NAAA: variants seen among roughly 807,000 people sequenced by gnomAD.
NAAA encodes the protein N-acylethanolamine-hydrolyzing acid amidase.
A neutral mutation model predicts 44.8 loss-of-function variants in NAAA; 39 were observed. The observed-to-expected ratio is 0.87, with a 90% CI of 0.67 to 1.14. The LOEUF (loss-of-function observed/expected upper bound fraction) is 1.14. Among genes scored for constraint, NAAA ranks in the 50% most tolerant of loss-of-function variants. The pLI, the probability that NAAA is intolerant of heterozygous loss-of-function variation, is 0.00. For missense variants in NAAA, 460 were observed against 467.8 expected (o/e 0.98, Z 0.15); for synonymous variants, 178 against 191.3 (o/e 0.93, Z 0.58).
intron 9 of NAAA, among the ~76,000 whole-genome samples, chr4:75,917,313 A>C (rs115973276): frequency 1.4e-3 from 214 of 152,264 alleles, no homozygotes; most frequent in Non-Finnish European, 2.4e-3. Context: ...GGGAGTATTC[A>C]CACCATGGAA....
downstream of NAAA, among the ~76,000 whole-genome samples, chr4:75,910,967 T>A (rs1363338192): frequency 6.6e-6 from 1 of 152,148 alleles, no homozygotes; most frequent in Non-Finnish European, 1.5e-5. Flanking sequence ...ACGGTGGAGT[T>A]CGGAGCAATT....
chr4:75,918,862 G>A, intron 8 of NAAA, 73 bp from the exon 9 acceptor site: 1 of 1,423,102 alleles, frequency 7.0e-7, no homozygotes, highest in Non-Finnish European at 9.9e-7. Context: ...TCTATGGAGG[G>A]CCGGGTGCAG....
At chr4:75,916,989 A>G (rs1725684971) in intron 9 of NAAA, 2 of 327,384 alleles carry the variant, frequency 6.1e-6, no homozygotes, top group Non-Finnish European at 4.4e-6. Flanking sequence ...CATGTTGGCC[A>G]GGCTGGTCTC....
intron 4 of NAAA, among the ~76,000 whole-genome samples, chr4:75,928,186 T>C (rs1035136884): frequency 5.3e-5 from 8 of 152,336 alleles, no homozygotes; most frequent in African/African-American, 1.9e-4. Context: ...CTTCTATGAG[T>C]TCAAACTTGG....
At chr4:75,912,839 G>A (rs181703038), downstream of NAAA, among the ~76,000 whole-genome samples, 22 of 151,998 alleles carry the variant, frequency 1.4e-4, no homozygotes, top group Admixed American at 1.0e-3. Flanking sequence ...TGATACAGCT[G>A]GCATGAGTAA....
At chr4:75,926,808 C>T (rs924001624) in intron 4 of NAAA, among the ~76,000 whole-genome samples, 5 of 151,950 alleles carry the variant, frequency 3.3e-5, no homozygotes, top group African/African-American at 9.7e-5. Context: ...AGTTTTAGAT[C>T]AGCCTGGGGA....
chr4:75,940,757 C>A lies in NAAA; in HGVS notation c.193G>T (p.Ala65Ser), dbSNP rs1207373554. The change falls in exon 1 of 11, where the codon GCG becomes TCG. Residue 65 changes from alanine to serine, a missense_variant. By Grantham distance (99) the Ala-to-Ser change is moderately conservative. Transcript: ENST00000286733. ...YDLDLVRAAM[A>S]QVIGDRVPKW... ...GCCCCAGCTCACCCGATGACTTGCG[C>A]CATCGCGGCGCGCACCAAGTCCAAG... The A allele has an allele frequency of 8.1e-6, 13 of 1,596,910 alleles. No homozygotes were observed. Among genetic ancestry groups the A allele is most frequent in the Non-Finnish European group, 1.1e-5 (13 of 1,178,264 alleles).
intron 5 of NAAA, among the ~76,000 whole-genome samples, chr4:75,922,263 G>A (rs1390156755): frequency 6.6e-6 from 1 of 151,784 alleles, no homozygotes; most frequent in Non-Finnish European, 1.5e-5. Flanking sequence ...CTTATACTTA[G>A]CTATGCAGGG....
chr4:75,918,173 G>A (rs1461718534), intron 9 of NAAA, among the ~76,000 whole-genome samples: 1 of 152,120 alleles, frequency 6.6e-6, no homozygotes, highest in Non-Finnish European at 1.5e-5. Context: ...CCCAGAGCTG[G>A]CCGGGCGCAG....
intron 1 of NAAA, 153 bp from the exon 2 acceptor site, chr4:75,940,318 A>G: frequency 1.6e-6 from 1 of 638,836 alleles, no homozygotes; most frequent in Non-Finnish European, 2.4e-6. Flanking sequence ...GCGTCACTCA[A>G]TCTGCAGCCT....
chr4:75,933,217 A>G (rs955849541), intron 3 of NAAA, among the ~76,000 whole-genome samples: 3 of 152,102 alleles, frequency 2.0e-5, no homozygotes, highest in African/African-American at 7.2e-5. Flanking sequence ...GTTTTAAGAA[A>G]TAGATAGTCC....
intron 2 of NAAA, chr4:75,939,734 G>T: frequency 2.3e-6 from 1 of 435,962 alleles, no homozygotes; most frequent in East Asian, 4.2e-5. Context: ...AATTTTAAAA[G>T]TACGCTACCT....
chr4:75,938,874 A>G (rs1727962592), intron 2 of NAAA, among the ~76,000 whole-genome samples: 1 of 152,064 alleles, frequency 6.6e-6, no homozygotes, highest in African/African-American at 2.4e-5. Flanking sequence ...TTGATATGGA[A>G]TCTCGCTTTG....
intron 2 of NAAA, among the ~76,000 whole-genome samples, chr4:75,936,896 A>C (rs1309705639): frequency 6.6e-6 from 1 of 152,220 alleles, no homozygotes; most frequent in Non-Finnish European, 1.5e-5. Flanking sequence ...TACATGAAAA[A>C]ATATTTATAT....
chr4:75,923,588 G>A (rs57271157), intron 5 of NAAA, among the ~76,000 whole-genome samples: 2,410 of 150,964 alleles, frequency 0.016, 65 homozygotes, highest in African/African-American at 0.054. Flanking sequence ...CTCCCAGGCT[G>A]GAGTGCAGTG....
chr4:75,911,456 C>A, downstream of NAAA: 1 of 463,132 alleles, frequency 2.2e-6, no homozygotes, highest in Non-Finnish European at 4.4e-6. Context: ...TCAAATCAGT[C>A]TCTCCAAGAA....
chr4:75,932,148 G>T (rs1196974269), intron 3 of NAAA, among the ~76,000 whole-genome samples: 1 of 152,212 alleles, frequency 6.6e-6, no homozygotes, highest in Non-Finnish European at 1.5e-5. Context: ...AGAATCACTT[G>T]AACCCGGGAG....
chr4:75,928,850 C>T (rs962428079), intron 4 of NAAA, among the ~76,000 whole-genome samples: 5 of 151,228 alleles, frequency 3.3e-5, no homozygotes, highest in East Asian at 1.9e-4. Context: ...TGCAGTGGCG[C>T]GATCTCGGCT....
At position 75,914,993 on chromosome 4, in the gene NAAA, T is replaced by C; in HGVS notation, c.999-8A>G. 1 of 1,587,252 alleles carries C rather than the reference T, an allele frequency of 6.3e-7. No individual in the cohort carries two copies. The highest frequency in any genetic ancestry group is 1.1e-5 in the South Asian group (1 of 90,512). On this transcript the variant is annotated splice_region_variant and splice_polypyrimidine_tract_variant and intron_variant, in intron 9 of 10. Transcript: ENST00000286733. The stretch of plus-strand genomic sequence containing the variant: ...GTAGTATAAATTGTGAAGCTGAAAA[T>C]TATGAGGAAATTTTATGTACACATC...
Sources: allele counts gnomAD v4.1 joint callset (sites outside exome capture counted in the v4.1 genomes callset), GRCh38; gene constraint gnomAD v4.1.1; transcripts MANE v1.5; gene names NCBI Gene and HGNC (gene_info 2026-07-23, HGNC 2026-07-21).